The following TSHZ2 variants were observed in gnomAD, a reference collection of about 807,000 sequenced individuals.
TSHZ2 encodes teashirt homolog 2.
Under a neutral mutation model 74.4 loss-of-function variants are expected in TSHZ2, and 21 were observed. The ratio of observed to expected loss-of-function variants is 0.28; its 90% CI spans 0.20 to 0.41. The LOEUF (loss-of-function observed/expected upper bound fraction) is 0.41. TSHZ2 is among the 10% of genes least tolerant of loss of function. TSHZ2 has a pLI of 1.00. For synonymous variants in TSHZ2, 540 were observed against 515.3 expected (o/e 1.05, Z -0.65); for missense variants, 1,244 against 1,293.5 (o/e 0.96, Z 0.59).
chr20:53,157,309 A>G (rs1174738442), intron 1 of TSHZ2, among the ~76,000 whole-genome samples: 1 of 152,126 alleles, frequency 6.6e-6, no homozygotes, highest in African/African-American at 2.4e-5. Flanking sequence ...GGGTTTGAAC[A>G]GAATTACTTC....
At chr20:53,477,921 T>G (rs891527727) in intron 2 of TSHZ2, among the ~76,000 whole-genome samples, 2 of 150,636 alleles carry the variant, frequency 1.3e-5, no homozygotes, top group Non-Finnish European at 2.9e-5. Flanking sequence ...ATGCTCATCA[T>G]CACTGGCCAT....
chr20:53,016,607 A>G (rs890525052), intron 1 of TSHZ2, among the ~76,000 whole-genome samples: 4 of 152,174 alleles, frequency 2.6e-5, no homozygotes, highest in African/African-American at 9.6e-5. Flanking sequence ...TACGGTTTCC[A>G]GAATTTTGTG....
intron 1 of TSHZ2, among the ~76,000 whole-genome samples, chr20:53,090,656 C>T (rs777950779): frequency 3.3e-5 from 5 of 152,280 alleles, no homozygotes; most frequent in South Asian, 2.1e-4. Context: ...CAAGGGTCTC[C>T]GAGCCCACAA....
chr20:53,369,982 T>A (rs1287960112), intron 2 of TSHZ2, among the ~76,000 whole-genome samples: 1 of 152,042 alleles, frequency 6.6e-6, no homozygotes, highest in Non-Finnish European at 1.5e-5. Flanking sequence ...TTCCTTGAAA[T>A]TTTTTTTAAT....
rs1270269151 is a variant in TSHZ2 at position 53,253,531 on chromosome 20, G to C, written c.73G>C (p.Glu25Gln). ...CCAGGAGGAACAGCTGAAAGAAGAG[G>C]AGGAAATAAAAGAAGAGGAGGAGGA... ...YAQEEQLKEE[E>Q]EIKEEEEEED... is the part of the protein sequence containing the mutation. Residue 25 changes from glutamate (E) to glutamine (Q), a missense_variant, in exon 2 of 3, where the codon GAG (glutamate) becomes CAG (glutamine). Coordinates refer to ENST00000371497, the MANE Select transcript of TSHZ2 (RefSeq NM_173485.6). 1.2e-6 allele frequency: 2 copies of C among 1,612,626 alleles called. No homozygotes were observed. Among genetic ancestry groups the C allele is most frequent in the East Asian group, 4.5e-5 (2 of 44,874 alleles).
chr20:53,363,204 C>T (rs1416660996), intron 2 of TSHZ2, among the ~76,000 whole-genome samples: 1 of 152,250 alleles, frequency 6.6e-6, no homozygotes, highest in Non-Finnish European at 1.5e-5. Flanking sequence ...CCTGGATTGG[C>T]TTCTGGCCTT....
rs143535637 is a variant in TSHZ2 at position 53,164,300 on chromosome 20, T to A, written c.41-89199T>A. On this transcript the variant is annotated intron_variant, in intron 1 of 2. Coordinates refer to ENST00000371497, the MANE Select transcript of TSHZ2 (RefSeq NM_173485.6). ...TTAATCAATACACTACTACCAGAAA[T>A]GCAGGTCAATGTCTACTTCATCTCA... Among the ~76,000 whole-genome samples the A allele has an allele frequency of 4.5e-3, 691 of 152,292 alleles. 4 individuals carry two copies. The highest frequency in any genetic ancestry group is 6.8e-3 in the Middle Eastern group (2 of 294).
intron 1 of TSHZ2, among the ~76,000 whole-genome samples, chr20:53,221,649 A>G (rs1319778496): frequency 6.6e-6 from 1 of 152,192 alleles, no homozygotes; most frequent in African/African-American, 2.4e-5. Flanking sequence ...GTAAACACAG[A>G]TAGAAAGAGA....
At chr20:53,231,823 G>A (rs1289321688) in intron 1 of TSHZ2, among the ~76,000 whole-genome samples, 1 of 152,156 alleles carries the variant, frequency 6.6e-6, no homozygotes, top group Non-Finnish European at 1.5e-5. Context: ...CCTGTTGAAT[G>A]TTCCTGAGTT....
chr20:53,447,071 C>T (rs368782787), intron 2 of TSHZ2, among the ~76,000 whole-genome samples: 1 of 152,236 alleles, frequency 6.6e-6, no homozygotes, highest in East Asian at 1.9e-4. Flanking sequence ...TCACCTTCCT[C>T]CAATAGCCTT....
intron 1 of TSHZ2, among the ~76,000 whole-genome samples, chr20:52,977,519 G>T (rs1981392718): frequency 6.6e-6 from 1 of 151,104 alleles, no homozygotes; most frequent in African/African-American, 2.4e-5. Flanking sequence ...AACTCTTTTG[G>T]CCATTCTTGT....
chr20:53,031,946 AAAGG>A (rs1346001294), intron 1 of TSHZ2, among the ~76,000 whole-genome samples: 7 of 152,130 alleles, frequency 4.6e-5, no homozygotes, highest in African/African-American at 1.2e-4. Flanking sequence ...GGAAAGGAAG[AAAGG>A]AAGGAAGGAA....
intron 1 of TSHZ2, among the ~76,000 whole-genome samples, chr20:52,996,381 A>T (rs1244275257): frequency 6.6e-6 from 1 of 151,730 alleles, no homozygotes; most frequent in Non-Finnish European, 1.5e-5. Flanking sequence ...AGAAGCCTGA[A>T]ATGATGAAGA....
intron 1 of TSHZ2, among the ~76,000 whole-genome samples, chr20:53,184,037 C>T (rs748556919): frequency 3.3e-5 from 5 of 152,218 alleles, no homozygotes; most frequent in Non-Finnish European, 5.9e-5. Context: ...GGCCAACAGT[C>T]AGTTCCCTCT....
At chr20:53,342,020 T>G (rs747216001) in intron 2 of TSHZ2, among the ~76,000 whole-genome samples, 3 of 152,128 alleles carry the variant, frequency 2.0e-5, no homozygotes, top group Non-Finnish European at 2.9e-5. Context: ...CAGAACAATT[T>G]TAAATATACA....
At chr20:53,169,817 G>C (rs1025822516) in intron 1 of TSHZ2, among the ~76,000 whole-genome samples, 1 of 152,100 alleles carries the variant, frequency 6.6e-6, no homozygotes, top group Admixed American at 6.5e-5. Context: ...GCATGCCCAG[G>C]TATGTGCCTA....
At chr20:53,214,034 A>G (rs1989377461) in intron 1 of TSHZ2, among the ~76,000 whole-genome samples, 1 of 152,210 alleles carries the variant, frequency 6.6e-6, no homozygotes, top group South Asian at 2.1e-4. Context: ...TCGGCCTTAC[A>G]TTGCTTCAAA....
At chr20:53,452,586 G>A (rs997050194) in intron 2 of TSHZ2, among the ~76,000 whole-genome samples, 24 of 133,404 alleles carry the variant, frequency 1.8e-4, no homozygotes, top group Non-Finnish European at 3.7e-4. Flanking sequence ...GTGACACAGT[G>A]AGACTCTGTC....
intron 1 of TSHZ2, among the ~76,000 whole-genome samples, chr20:52,984,127 G>C (rs569572953): frequency 3.7e-4 from 56 of 152,212 alleles, no homozygotes; most frequent in Non-Finnish European, 6.5e-4. Context: ...TGGAGAGCAC[G>C]GGGGAGATTC....
Sources: allele counts gnomAD v4.1 joint callset (sites outside exome capture counted in the v4.1 genomes callset), GRCh38; gene constraint gnomAD v4.1.1; transcripts MANE v1.5; gene names NCBI Gene and HGNC (gene_info 2026-07-23, HGNC 2026-07-21).